The following POLR2M variants were observed in gnomAD, a reference collection of about 807,000 sequenced individuals.
POLR2M encodes the protein RNA polymerase II subunit M.
A neutral mutation model predicts 34.6 loss-of-function variants in POLR2M; 30 were observed. The ratio of observed to expected loss-of-function variants is 0.87; its 90% CI spans 0.65 to 1.18. The LOEUF is 1.18. Among genes scored for constraint, POLR2M ranks in the 50% most tolerant of loss-of-function variants. The pLI is 0.00. For missense variants in POLR2M, 432 were observed against 448.7 expected (o/e 0.96, Z 0.34); for synonymous variants, 150 against 166.7 (o/e 0.90, Z 0.77).
At chr15:57,708,646 C>G (rs552741580) in intron 1 of POLR2M, 68 bp from the exon 2 acceptor site, 2 of 1,389,158 alleles carry the variant, frequency 1.4e-6, no homozygotes, top group Non-Finnish European at 1.9e-6. Flanking sequence ...AATGCCTTGC[C>G]TTTTTAATGT....
Position 57,708,912 on chromosome 15 carries a change from G to C in POLR2M, c.312G>C (p.Pro104=). The stretch of plus-strand genomic sequence containing the variant: ...CAGATAAGGCCCAGAATTCTGACCC[G>C]ATACTTGATACTTCATCACTAGTTC... ...VGTDKAQNSD[P]ILDTSSLVPG... Residue 104 remains proline, a synonymous_variant, in exon 2 of 4, where the codon CCG becomes CCC. Transcript: ENST00000299638. 6.2e-7 allele frequency: 1 copy of C among 1,614,052 alleles called. No homozygotes were observed. The highest frequency in any genetic ancestry group is 8.5e-7 in the Non-Finnish European group (1 of 1,179,964).
At position 57,712,100 on chromosome 15, in the gene POLR2M, G is replaced by A. The variant is rs946693594; in HGVS notation, c.875G>A (p.Arg292Gln). 4 of 1,614,112 alleles carry A rather than the reference G, an allele frequency of 2.5e-6. No homozygotes were observed. The South Asian group carries it at 3.3e-5, about 13-fold the overall frequency. Reference sequence around the variant, plus strand: ...CATCTTGATGACATCACAGCAGCTCGGCTTCTACCACTTCACCATATGCCC... The same window carrying A: ...CATCTTGATGACATCACAGCAGCTCAGCTTCTACCACTTCACCATATGCCC... ...KQHLDDITAA[R>Q]LLPLHHMPTQ... The change falls in exon 3 of 4, where the codon CGG (arginine) becomes CAG (glutamine). Residue 292 changes from arginine (R) to glutamine (Q), a missense_variant. Transcript: ENST00000299638.
In POLR2M at chr15:57,709,338, G is replaced by C. The variant is rs1699761659; in HGVS notation, c.738G>C (p.Leu246=). 1 of 1,612,996 alleles carries C rather than the reference G, an allele frequency of 6.2e-7. No individual in the cohort carries two copies. Among genetic ancestry groups the C allele is most frequent in the African/African-American group, 1.3e-5 (1 of 74,778 alleles). The change falls in exon 2 of 4, where the codon CTG becomes CTC. Residue 246 remains leucine, a synonymous_variant. Transcript: ENST00000299638. ...GAGCCAAAAACCCAGTGCCCCAGCT[G>C]CGTAAATTTAAAACCAATGTGTAAG... The part of the protein sequence containing the change: ...EMRAKNPVPQ[L]RKFKTNVLPF...
In POLR2M at chr15:57,715,719, G is replaced by A. The variant is rs1255079974; in HGVS notation, c.*1040G>A. Reference sequence around the variant, plus strand: ...AGAGGATTATATGGTTGTCTCCAGAGAAATTAACTTACATTATCAAAAAAT... The same window carrying A: ...AGAGGATTATATGGTTGTCTCCAGAAAAATTAACTTACATTATCAAAAAAT... On this transcript the variant is annotated 3_prime_UTR_variant, in exon 4 of 4. Transcript: ENST00000299638. 1.3e-5 allele frequency: 2 copies of A among 152,164 alleles called. No homozygotes were observed. Among genetic ancestry groups the A allele is most frequent in the African/African-American group, 4.8e-5 (2 of 41,440 alleles). The allele number at this position is 152,164 out of a possible 1,614,324, so 9.4% of individuals were successfully genotyped here.
At chr15:57,710,156 GT>G (rs1238949996) in intron 2 of POLR2M, among the ~76,000 whole-genome samples, 2 of 152,152 alleles carry the variant, frequency 1.3e-5, no homozygotes, top group African/African-American at 4.8e-5. Context: ...AATAATAACA[GT>G]TTCAGGGGGA....
rs146952274 is a variant in POLR2M at position 57,713,244 on chromosome 15, A to G, written c.963+1056A>G. ...GGCTGTTAATCTGCTTTGGCTTTTC[A>G]TAAAAGCCTTGGCATGGATTGGCAT... is the stretch of plus-strand genomic sequence containing the variant. On this transcript the variant is annotated intron_variant, in intron 3 of 3. Transcript: ENST00000299638. Among the ~76,000 whole-genome samples the G allele has an allele frequency of 5.6e-3, 841 of 151,266 alleles. 9 individuals carry two copies. The highest frequency in any genetic ancestry group is 0.019 in the African/African-American group (804 of 41,314).
intron 3 of POLR2M, among the ~76,000 whole-genome samples, chr15:57,712,700 T>C (rs1356847313): frequency 6.6e-6 from 1 of 152,208 alleles, no homozygotes; most frequent in Non-Finnish European, 1.5e-5. Context: ...TGCAGGCCCA[T>C]GTGAAGAGAG....
rs1384571261 is a variant in POLR2M at position 57,716,845 on chromosome 15, T to A, written c.*2166T>A. 1 of 152,204 alleles carries A rather than the reference T, an allele frequency of 6.6e-6. No individual in the cohort carries two copies. The highest frequency in any genetic ancestry group is 1.9e-4 in the East Asian group (1 of 5,206). The allele number at this position is 152,204 out of a possible 1,614,324, so 9.4% of individuals were successfully genotyped here. A position where few individuals can be genotyped will look rare whatever the true frequency, so the allele number is the denominator to read the frequency against. ...AGTTGTTTTCTTTAGGAGTCTACCT[T>A]TGTGTATGTGCTTGAAAGTATTTTT... is the stretch of plus-strand genomic sequence containing the variant. On this transcript the variant is annotated 3_prime_UTR_variant, in exon 4 of 4. Transcript: ENST00000299638.
At chr15:57,712,553 C>T (rs2040774022) in intron 3 of POLR2M, among the ~76,000 whole-genome samples, 1 of 152,174 alleles carries the variant, frequency 6.6e-6, no homozygotes. Flanking sequence ...GACTCAAACC[C>T]AGACCCCTTG....
Position 57,706,744 on chromosome 15 carries a change from G to C in POLR2M, c.-99G>C, listed in dbSNP as rs1445857641. On this transcript the variant is annotated 5_prime_UTR_variant, in exon 1 of 4. Coordinates refer to ENST00000299638, the MANE Select transcript of POLR2M (RefSeq NM_015532.5). ...TCCGGGAAAATGGCGACTCCCGCTC[G>C]TGCCCCGGAGTCACCGCCGTCCGCG... The C allele has an allele frequency of 4.4e-6, 6 of 1,349,860 alleles. No individual in the cohort carries two copies. In the East Asian group the frequency reaches 1.3e-4, roughly 29 times the overall value. 83.6% of individuals were successfully genotyped at this position (1,349,860 alleles called of 1,614,324 possible). A position where few individuals can be genotyped will look rare whatever the true frequency, so the allele number is the denominator to read the frequency against.
At chr15:57,707,078 T>C (rs1235213945) in intron 1 of POLR2M, 123 bp downstream of exon 1, 7 of 1,551,298 alleles carry the variant, frequency 4.5e-6, no homozygotes, top group African/African-American at 4.1e-5. Flanking sequence ...TCACATTCGC[T>C]TCAGTCCTAC....
At position 57,709,380 on chromosome 15, in the gene POLR2M, C is replaced by CCTGT; in HGVS notation, c.758+23_758+26dup. Reference sequence around the variant, plus strand: ...ATGTGTAAGTACCCTCGGAAACAGGCCTGTAACAGGAACGTGATATTTGTT... The same window carrying CCTGT: ...ATGTGTAAGTACCCTCGGAAACAGGCCTGTCTGTAACAGGAACGTGATATTTGTT... On this transcript the variant is annotated intron_variant, in intron 2 of 3. Transcript: ENST00000299638. 1.9e-6 allele frequency: 3 copies of CCTGT among 1,588,216 alleles called. No individual in the cohort carries two copies. In the South Asian group the frequency reaches 3.5e-5, roughly 18 times the overall value.
intron 3 of POLR2M, 135 bp from the exon 4 acceptor site, chr15:57,714,401 G>T: frequency 6.9e-7 from 1 of 1,446,058 alleles, no homozygotes; most frequent in East Asian, 2.3e-5. Context: ...CAGCCATCAG[G>T]CTTGTATTGC....
At chr15:57,711,844 G>A (rs774171295) in intron 2 of POLR2M, 140 bp from the exon 3 acceptor site, 173 of 991,424 alleles carry the variant, frequency 1.7e-4, no homozygotes, top group Non-Finnish European at 1.8e-4. Context: ...ATTTGTTAGA[G>A]CAATGAATAC....
intron 1 of POLR2M, 65 bp downstream of exon 1, chr15:57,707,020 TC>T: frequency 6.4e-7 from 1 of 1,551,814 alleles, no homozygotes; most frequent in Non-Finnish European, 8.7e-7. Context: ...GGCGCTCCCC[TC>T]CCCTCCCGCA....
In POLR2M at chr15:57,708,737, A is replaced by C. The variant is rs2040589333; in HGVS notation, c.137A>C (p.Asp46Ala). Residue 46 changes from aspartate (D) to alanine (A), a missense_variant, in exon 2 of 4, where the codon GAC (aspartate) becomes GCC (alanine). Physicochemically the swap from Asp to Ala is moderately radical, Grantham distance 126. Transcript: ENST00000299638. Reference sequence around the variant, plus strand: ...AGAAAATTCATTTGCAAATTGCCCGACAAAGGTAAAAAGATCTTTGACTCT... The same window carrying C: ...AGAAAATTCATTTGCAAATTGCCCGCCAAAGGTAAAAAGATCTTTGACTCT... ...RNEKFICKLPDKGKKIFDSFA... is the reference protein window; with the variant it reads ...RNEKFICKLPAKGKKIFDSFA... 6.3e-7 allele frequency: 1 copy of C among 1,592,494 alleles called. No homozygotes were observed. The highest frequency in any genetic ancestry group is 1.8e-5 in the Admixed American group (1 of 54,796).
rs937680745 is a variant in POLR2M, at chr15:57,709,059, C to T, written c.459C>T (p.Gly153=). 9 of 1,614,098 alleles carry T rather than the reference C, an allele frequency of 5.6e-6. No homozygotes were observed. Among genetic ancestry groups the T allele is most frequent in the Non-Finnish European group, 7.6e-6 (9 of 1,180,016 alleles). Residue 153 remains glycine, a synonymous_variant, in exon 2 of 4, where the codon GGC becomes GGT. Coordinates refer to ENST00000299638, the MANE Select transcript of POLR2M (RefSeq NM_015532.5). ...AGGTTGAGTACACAGTGAATAAGGG[C>T]CCAGCTTCCAGCAATAGAGACAGGG... is the stretch of plus-strand genomic sequence containing the variant. ...TSEVEYTVNK[G]PASSNRDRVP... is the part of the protein sequence containing the mutation.
At chr15:57,712,290 A>G in intron 3 of POLR2M, 102 bp downstream of exon 3, 1 of 1,367,110 alleles carries the variant, frequency 7.3e-7, no homozygotes, top group Non-Finnish European at 1.0e-6. Flanking sequence ...AGAGGGGATT[A>G]GGTGCTTCCA....
rs749158406 is a variant in POLR2M, at chr15:57,706,751, G to A, written c.-92G>A. The A allele has an allele frequency of 3.3e-5, 47 of 1,428,152 alleles. No homozygotes were observed. Among genetic ancestry groups the A allele is most frequent in the Non-Finnish European group, 3.9e-5 (41 of 1,053,070 alleles). 88.5% of individuals were successfully genotyped at this position (1,428,152 alleles called of 1,614,324 possible). A position where few individuals can be genotyped will look rare whatever the true frequency, so the allele number is the denominator to read the frequency against. Reference sequence around the variant, plus strand: ...AAATGGCGACTCCCGCTCGTGCCCCGGAGTCACCGCCGTCCGCGGATCCGG... The same window carrying A: ...AAATGGCGACTCCCGCTCGTGCCCCAGAGTCACCGCCGTCCGCGGATCCGG... On this transcript the variant is annotated 5_prime_UTR_variant, in exon 1 of 4. Transcript: ENST00000299638.
Sources: allele counts gnomAD v4.1 joint callset (sites outside exome capture counted in the v4.1 genomes callset), GRCh38; gene constraint gnomAD v4.1.1; transcripts MANE v1.5; gene names NCBI Gene and HGNC (gene_info 2026-07-23, HGNC 2026-07-21).